The following RAB8B variants were observed in gnomAD, a reference collection of about 807,000 sequenced individuals.
RAB8B encodes ras-related protein Rab-8B.
RAB8B carries 11 observed loss-of-function variants against 32.0 expected under a neutral mutation model. The observed-to-expected ratio is 0.34, with a 90% confidence interval of 0.22 to 0.57. RAB8B has a LOEUF of 0.57. RAB8B is among the 20% of genes least tolerant of loss of function. The pLI is 0.86. For synonymous variants in RAB8B, 103 were observed against 89.6 expected, an observed-to-expected ratio of 1.15 and a Z score of -0.85; for missense variants, 190 against 258.5, an observed-to-expected ratio of 0.73 and a Z score of 1.82.
At chr15:63,251,473 A>G (rs913606427) in intron 3 of RAB8B, 4 of 352,176 alleles carry the variant, frequency 1.1e-5, no homozygotes. Context: ...CACTTAGAAT[A>G]TAAGAGTAAA....
chr15:63,229,780 C>CAAAAAAAAAAAAAAAAAAAAAAA (rs56015501), intron 1 of RAB8B, among the ~76,000 whole-genome samples: 1 of 35,972 alleles, frequency 2.8e-5, no homozygotes, highest in East Asian at 4.6e-4. Flanking sequence ...GACGCTGTTT[C>CAAAAAAAAAAAAAAAAAAAAAAA]AAAAAAAAAA....
Position 63,250,067 on chromosome 15 carries a change from A to T in RAB8B, c.246+362A>T, listed in dbSNP as rs374805093. On this transcript the variant is annotated intron_variant, in intron 3 of 7. Transcript: ENST00000321437. ...AGGAGAATGGCGTGAACCCAGGAAG[A>T]GGAGCTTGCAGTGAGCCGAGATTGC... Among the ~76,000 whole-genome samples, 600 of 152,278 alleles carry T rather than the reference A, an allele frequency of 3.9e-3. 4 individuals carry two copies. Among genetic ancestry groups the T allele is most frequent in the African/African-American group, 0.013 (526 of 41,550 alleles).
At chr15:63,190,423 G>A (rs1655865113) in intron 1 of RAB8B, among the ~76,000 whole-genome samples, 1 of 152,108 alleles carries the variant, frequency 6.6e-6, no homozygotes, top group African/African-American at 2.4e-5. Context: ...GAAAGTAAAG[G>A]GATCTGGGTG....
chr15:63,213,520 T>G (rs1359903978), intron 1 of RAB8B, among the ~76,000 whole-genome samples: 4 of 152,208 alleles, frequency 2.6e-5, no homozygotes, highest in Admixed American at 2.6e-4. Flanking sequence ...AGGCTGTGCA[T>G]TTATGACTAT....
At chr15:63,205,997 C>G (rs976791953) in intron 1 of RAB8B, among the ~76,000 whole-genome samples, 8 of 152,184 alleles carry the variant, frequency 5.3e-5, no homozygotes, top group Non-Finnish European at 8.8e-5. Context: ...CTGGCCTCTT[C>G]AGAGCTCTTT....
chr15:63,198,766 G>A (rs1441041984), intron 1 of RAB8B, among the ~76,000 whole-genome samples: 1 of 152,170 alleles, frequency 6.6e-6, no homozygotes, highest in Admixed American at 6.5e-5. Context: ...GTTTTAATGT[G>A]AAGTATTGGA....
chr15:63,255,644 G>C (rs553354157), intron 4 of RAB8B, 60 bp downstream of exon 4: 80 of 1,402,100 alleles, frequency 5.7e-5, no homozygotes, highest in Non-Finnish European at 7.6e-5. Context: ...CTTGTAAAAG[G>C]CTCCTCTGTC....
At chr15:63,224,585 T>C (rs1276197051) in intron 1 of RAB8B, among the ~76,000 whole-genome samples, 1 of 152,196 alleles carries the variant, frequency 6.6e-6, no homozygotes, top group Admixed American at 6.5e-5. Flanking sequence ...TGGGGTCTTC[T>C]CTAGTTTGCC....
intron 1 of RAB8B, among the ~76,000 whole-genome samples, chr15:63,191,329 CTT>C (rs1240881393): frequency 6.6e-6 from 1 of 152,118 alleles, no homozygotes; most frequent in Admixed American, 6.5e-5. Flanking sequence ...ATAGAACACT[CTT>C]TAAGTATTAG....
intron 1 of RAB8B, among the ~76,000 whole-genome samples, chr15:63,200,152 C>A (rs949316501): frequency 5.3e-5 from 8 of 152,166 alleles, no homozygotes; most frequent in Admixed American, 3.3e-4. Flanking sequence ...TCTGTGAAAT[C>A]AAACAGTGTC....
chr15:63,211,557 A>G lies in RAB8B; in HGVS notation c.124+21809A>G, dbSNP rs140654548. 2.6e-3 allele frequency among the ~76,000 whole-genome samples: 396 copies of G among 152,320 alleles called. 3 individuals carry two copies. Among genetic ancestry groups the G allele is most frequent in the African/African-American group, 7.8e-3 (326 of 41,580 alleles). ...TATTTCCTTTATAAAGCTTCCTGAT[A>G]CTGTGTTTAGTATTTACTTTCTTTA... On this transcript the variant is annotated intron_variant, in intron 1 of 7. Transcript: ENST00000321437.
In RAB8B at chr15:63,263,570, CAG is replaced by C; in HGVS notation, c.577_578del (p.Glu193LysfsTer20). 6.2e-7 allele frequency: 1 copy of C among 1,613,098 alleles called. No homozygotes were observed. On this transcript the variant is annotated frameshift_variant, in exon 8 of 8. Coordinates refer to ENST00000321437, the MANE Select transcript of RAB8B (RefSeq NM_016530.3). LOFTEE classifies it high-confidence loss of function. ...GGAGCAGGTGGACCAGTGAAAATAA[CAG>C]AAAACCGATCAAAGAAGACCAGTTT...
At chr15:63,244,733 A>G in intron 1 of RAB8B, 23 bp from the exon 2 acceptor site, 1 of 1,525,480 alleles carries the variant, frequency 6.6e-7, no homozygotes, top group East Asian at 2.3e-5. Flanking sequence ...AACTTAACAT[A>G]TCTTTCTTTG....
At chr15:63,228,078 A>G (rs2037904384) in intron 1 of RAB8B, among the ~76,000 whole-genome samples, 1 of 152,124 alleles carries the variant, frequency 6.6e-6, no homozygotes, top group Non-Finnish European at 1.5e-5. Context: ...GGTTGGAGAC[A>G]CAAACATGGC....
At chr15:63,257,201 A>T (rs1449643218) in intron 5 of RAB8B, among the ~76,000 whole-genome samples, 1 of 152,026 alleles carries the variant, frequency 6.6e-6, no homozygotes, top group East Asian at 1.9e-4. Context: ...TTCACTTTTT[A>T]AGTCTTGGAA....
intron 1 of RAB8B, among the ~76,000 whole-genome samples, chr15:63,213,450 G>A (rs2053633): frequency 0.38 from 57,957 of 152,002 alleles, 12,429 homozygotes; most frequent in Non-Finnish European, 0.5. Context: ...TCTTGTTCAA[G>A]TCTATTTAGT....
intron 1 of RAB8B, among the ~76,000 whole-genome samples, chr15:63,229,970 G>A (rs1054744239): frequency 2.0e-5 from 3 of 151,938 alleles, no homozygotes; most frequent in Admixed American, 6.6e-5. Flanking sequence ...GTATCATAGA[G>A]GATTGTGCTT....
At chr15:63,258,937 G>C (rs903587276) in intron 5 of RAB8B, among the ~76,000 whole-genome samples, 6 of 151,888 alleles carry the variant, frequency 4.0e-5, no homozygotes, top group Non-Finnish European at 7.4e-5. Flanking sequence ...TTGTTACTTG[G>C]GCATGGAAGG....
intron 1 of RAB8B, among the ~76,000 whole-genome samples, chr15:63,209,763 A>G (rs777024030): frequency 5.3e-5 from 8 of 149,640 alleles, no homozygotes; most frequent in Non-Finnish European, 8.9e-5. Flanking sequence ...TTTTTTTTTT[A>G]ATTATACTTT....
Sources: gnomAD v4.1 joint callset for allele counts (sites outside exome capture counted in the v4.1 genomes callset) on GRCh38, gnomAD v4.1.1 for gene constraint, MANE v1.5 for transcripts, NCBI Gene and HGNC (gene_info 2026-07-23, HGNC 2026-07-21) for gene names.